RIMS1: variants seen among roughly 807,000 people sequenced by gnomAD.
RIMS1 encodes the protein regulating synaptic membrane exocytosis 1, also known as regulating synaptic membrane exocytosis protein 1.
Under a neutral mutation model 214.1 loss-of-function variants are expected in RIMS1, and 83 were observed. The observed-to-expected ratio is 0.39, with a 90% CI of 0.32 to 0.47. RIMS1 has a LOEUF of 0.47. Ranked by LOEUF, RIMS1 falls within the 20% of genes least tolerant of loss-of-function variation. The probability of loss-of-function intolerance (pLI) is 0.99; values close to 1 mark genes in which losing one functional copy is unlikely to be tolerated. For missense variants in RIMS1, 2,050 were observed against 2,161.8 expected (o/e 0.95, Z 1.03); for synonymous variants, 793 against 786.8 (o/e 1.01, Z -0.13).
chr6:72,132,881 G>A (rs138743913), intron 4 of RIMS1, among the ~76,000 whole-genome samples: 51 of 152,108 alleles, frequency 3.4e-4, no homozygotes, highest in African/African-American at 1.2e-3. Flanking sequence ...GATATTTTTG[G>A]ACTAATATTT....
At chr6:72,270,926 A>G (rs2082728022) in intron 22 of RIMS1, among the ~76,000 whole-genome samples, 1 of 152,278 alleles carries the variant, frequency 6.6e-6, no homozygotes, top group Admixed American at 6.5e-5. Flanking sequence ...TTCCTACCTA[A>G]AAATCAATAG....
intron 2 of RIMS1, among the ~76,000 whole-genome samples, chr6:72,087,689 C>T (rs1243833079): frequency 1.3e-5 from 2 of 152,218 alleles, no homozygotes; most frequent in Admixed American, 6.5e-5. Flanking sequence ...TGGACCACTT[C>T]CACCTCTTGA....
intron 4 of RIMS1, among the ~76,000 whole-genome samples, chr6:72,150,885 C>G (rs1426759969): frequency 6.6e-6 from 1 of 152,048 alleles, no homozygotes; most frequent in Non-Finnish European, 1.5e-5. Flanking sequence ...ATGTCTTTTT[C>G]TGCTTTTTAA....
chr6:72,034,232 G>A (rs1818942353), intron 2 of RIMS1, among the ~76,000 whole-genome samples: 1 of 151,944 alleles, frequency 6.6e-6, no homozygotes, highest in South Asian at 2.1e-4. Flanking sequence ...TTTTAGTATG[G>A]GACATACTTA....
intron 11 of RIMS1, among the ~76,000 whole-genome samples, chr6:72,247,255 G>A (rs2070438901): frequency 6.6e-6 from 1 of 152,070 alleles, no homozygotes; most frequent in East Asian, 1.9e-4. Context: ...CATTTTCAGA[G>A]GTTCAGGATA....
At chr6:72,007,278 G>A (rs1398359121) in intron 2 of RIMS1, among the ~76,000 whole-genome samples, 1 of 152,166 alleles carries the variant, frequency 6.6e-6, no homozygotes, top group Non-Finnish European at 1.5e-5. Flanking sequence ...CTGTTAGAAG[G>A]AAAACTAAAA....
At chr6:72,358,843 A>T (rs985375783) in intron 29 of RIMS1, among the ~76,000 whole-genome samples, 1 of 152,202 alleles carries the variant, frequency 6.6e-6, no homozygotes, top group African/African-American at 2.4e-5. Context: ...ATCAGGCTCC[A>T]GCTAACTACC....
intron 29 of RIMS1, among the ~76,000 whole-genome samples, chr6:72,368,496 G>T (rs1038577161): frequency 2.0e-5 from 3 of 150,484 alleles, no homozygotes; most frequent in Non-Finnish European, 4.4e-5. Context: ...GGATTTCACC[G>T]TGTTAGCCAG....
intron 6 of RIMS1, among the ~76,000 whole-genome samples, chr6:72,212,025 A>T (rs1354039320): frequency 1.3e-5 from 2 of 152,104 alleles, no homozygotes; most frequent in Non-Finnish European, 2.9e-5. Flanking sequence ...ATTATTTAGG[A>T]AGTATGAAAT....
At chr6:72,015,690 G>T (rs541828063) in intron 2 of RIMS1, among the ~76,000 whole-genome samples, 1 of 152,232 alleles carries the variant, frequency 6.6e-6, no homozygotes, top group South Asian at 2.1e-4. Flanking sequence ...ACTTTGGGAG[G>T]CTGAGGCAGG....
intron 29 of RIMS1, among the ~76,000 whole-genome samples, chr6:72,359,657 A>AT (rs2094860714): frequency 6.6e-6 from 1 of 152,174 alleles, no homozygotes; most frequent in African/African-American, 2.4e-5. Flanking sequence ...AAGAAAATTA[A>AT]TTGACTACTA....
At chr6:72,031,927 A>G (rs1385781869) in intron 2 of RIMS1, among the ~76,000 whole-genome samples, 2 of 152,226 alleles carry the variant, frequency 1.3e-5, no homozygotes, top group Non-Finnish European at 2.9e-5. Context: ...ATAAGCATAC[A>G]TAAAATAATT....
intron 1 of RIMS1, among the ~76,000 whole-genome samples, chr6:71,897,870 G>A (rs1582037759): frequency 6.6e-6 from 1 of 152,116 alleles, no homozygotes; most frequent in African/African-American, 2.4e-5. Context: ...TGGACTGGAG[G>A]AGTCACCCAG....
At chr6:72,015,291 A>T (rs1407839146) in intron 2 of RIMS1, among the ~76,000 whole-genome samples, 1 of 152,162 alleles carries the variant, frequency 6.6e-6, no homozygotes, top group Non-Finnish European at 1.5e-5. Flanking sequence ...GTGCTCAAAA[A>T]GTTTTTGATT....
intron 2 of RIMS1, among the ~76,000 whole-genome samples, chr6:72,050,651 AC>A (rs1824370164): frequency 6.6e-6 from 1 of 152,042 alleles, no homozygotes; most frequent in Non-Finnish European, 1.5e-5. Context: ...AGGGGAGAAG[AC>A]TAGTCCTCCT....
rs2076941208 is a variant in RIMS1 at position 72,258,994 on chromosome 6, A to G, written c.2936A>G (p.Asp979Gly). Residue 979 changes from aspartate to glycine, a missense_variant, in exon 18 of 34, where the codon GAT (aspartate) becomes GGT (glycine). Physicochemically the swap from Asp to Gly is moderately conservative, Grantham distance 94. Transcript: ENST00000521978. ...TTTTGTAATCATTTTAGGAGTTTAG[A>G]TGAAATTCATCCAACAAGAAGGTCA... ...LPNVPLQRSL[D>G]EIHPTRRSRS... 1 of 1,612,654 alleles carries G rather than the reference A, an allele frequency of 6.2e-7. No homozygotes were observed. The highest frequency in any genetic ancestry group is 8.5e-7 in the Non-Finnish European group (1 of 1,179,024).
intron 4 of RIMS1, among the ~76,000 whole-genome samples, chr6:72,159,944 G>C (rs2045083587): frequency 7.2e-6 from 1 of 139,654 alleles, no homozygotes; most frequent in African/African-American, 2.5e-5. Context: ...TTGGTAGCTT[G>C]ATGGGGATGG....
intron 6 of RIMS1, among the ~76,000 whole-genome samples, chr6:72,199,128 T>A (rs1320957010): frequency 1.3e-5 from 2 of 152,070 alleles, no homozygotes; most frequent in Non-Finnish European, 2.9e-5. Context: ...AGGTCATGGA[T>A]TCCAAGAAAT....
intron 2 of RIMS1, among the ~76,000 whole-genome samples, chr6:72,061,537 G>A (rs1022123633): frequency 1.3e-5 from 2 of 152,188 alleles, no homozygotes; most frequent in East Asian, 1.9e-4. Flanking sequence ...TGCATTACGC[G>A]CTTTCTGACT....
Sources: allele counts gnomAD v4.1 joint callset (sites outside exome capture counted in the v4.1 genomes callset), GRCh38; gene constraint gnomAD v4.1.1; transcripts MANE v1.5; gene names NCBI Gene and HGNC (gene_info 2026-07-23, HGNC 2026-07-21).